C10orf143: variants seen among roughly 807,000 people sequenced by gnomAD.
C10orf143 encodes chromosome 10 open reading frame 143, also known as uncharacterized protein C10orf143.
In C10orf143 at chr10:130,101,865, C is replaced by CAAAAAAAAAAAAAAAAA. The variant is rs1267433489; in HGVS notation, c.69+8822_69+8838dup. Among the ~76,000 whole-genome samples, 4 of 47,728 alleles carry CAAAAAAAAAAAAAAAAA rather than the reference C, an allele frequency of 8.4e-5. 1 individual carries two copies. The highest frequency in any genetic ancestry group is 4.0e-4 in the African/African-American group (3 of 7,568). The allele number at this position is 47,728 out of a possible 152,430, so 31.3% of individuals were successfully genotyped here. On this transcript the variant is annotated intron_variant, in intron 1 of 3. Coordinates refer to ENST00000637128, the MANE Select transcript of C10orf143 (RefSeq NM_001355042.2). Reference sequence around the variant, plus strand: ...ACTCTGTCTCAAAAAAAAAAAAAACCAAAAAAAAAAAAAAAAAAAACTTTT... The same window carrying CAAAAAAAAAAAAAAAAA: ...ACTCTGTCTCAAAAAAAAAAAAAACCAAAAAAAAAAAAAAAAAAAAAAAAAAAAAAAAAAAAACTTTT...
At chr10:130,067,225 C>T (rs1860951629) in intron 3 of C10orf143, 1 of 152,202 alleles carries the variant, frequency 6.6e-6, no homozygotes, top group African/African-American at 2.4e-5. Context: ...AAAACGTCCC[C>T]CTTTCCTTTT....
chr10:130,088,681 G>T (rs1386348298), intron 1 of C10orf143, among the ~76,000 whole-genome samples: 1 of 152,216 alleles, frequency 6.6e-6, no homozygotes, highest in African/African-American at 2.4e-5. Flanking sequence ...GGATGGAGCA[G>T]CTGATACGGA....
chr10:130,107,636 G>C (rs770197171), intron 1 of C10orf143: 26 of 1,333,108 alleles, frequency 2.0e-5, no homozygotes, highest in Admixed American at 8.5e-5. Context: ...TGAAACGAGA[G>C]CTTTTCTCTC....
intron 3 of C10orf143, among the ~76,000 whole-genome samples, chr10:130,055,952 T>TAAAAAAAA (rs369284797): frequency 5.1e-3 from 337 of 65,812 alleles, no homozygotes; most frequent in South Asian, 8.0e-3. Context: ...TCTCCAAAAG[T>TAAAAAAAA]AAAAAAAAAA....
At chr10:130,057,495 G>T (rs1375260675) in intron 3 of C10orf143, among the ~76,000 whole-genome samples, 1 of 152,154 alleles carries the variant, frequency 6.6e-6, no homozygotes, top group Admixed American at 6.5e-5. Context: ...AAATACTCTT[G>T]ACATATTGGT....
At chr10:130,094,122 C>A (rs1371722789) in intron 1 of C10orf143, among the ~76,000 whole-genome samples, 1 of 151,934 alleles carries the variant, frequency 6.6e-6, no homozygotes, top group African/African-American at 2.4e-5. Flanking sequence ...ACTCAAAAAT[C>A]TAGAAGAAAT....
chr10:130,098,725 A>G (rs1861500167), intron 1 of C10orf143, among the ~76,000 whole-genome samples: 1 of 152,154 alleles, frequency 6.6e-6, no homozygotes, highest in Non-Finnish European at 1.5e-5. Flanking sequence ...ACCACAGAAA[A>G]TGGCCTCCTT....
At chr10:130,088,335 G>A (rs1452775666) in intron 1 of C10orf143, among the ~76,000 whole-genome samples, 1 of 152,104 alleles carries the variant, frequency 6.6e-6, no homozygotes, top group African/African-American at 2.4e-5. Context: ...AGTGAGCCAG[G>A]ATCGCGCCAT....
At chr10:130,107,108 C>A in intron 1 of C10orf143, 1 of 1,599,994 alleles carries the variant, frequency 6.3e-7, no homozygotes, top group Non-Finnish European at 8.6e-7. Flanking sequence ...TATTAAAAAT[C>A]TTCGGACTGA....
intron 1 of C10orf143, among the ~76,000 whole-genome samples, chr10:130,096,831 C>T (rs1473123347): frequency 1.6e-5 from 2 of 125,904 alleles, no homozygotes; most frequent in Non-Finnish European, 1.7e-5. Flanking sequence ...GCACATGTAT[C>T]CCAAAACTTA....
rs183131648 is a variant in C10orf143 at position 130,045,268 on chromosome 10, C to T, written c.298-9298G>A. On this transcript the variant is annotated intron_variant and NMD_transcript_variant, in intron 3 of 5. Transcript: ENST00000643056. ...GCAGGCACCTCGCCAGGCATTGCGC[C>T]CTCTGCCTGCAGGTCGGCGGGGCCT... 3.9e-4 allele frequency among the ~76,000 whole-genome samples: 59 copies of T among 152,366 alleles called. 1 individual carries two copies. Among genetic ancestry groups the T allele is most frequent in the Admixed American group, 3.4e-3 (52 of 15,312 alleles).
In C10orf143 at chr10:130,064,266, CA is replaced by C; in HGVS notation, c.*87del. 2.5e-6 allele frequency: 1 copy of C among 397,700 alleles called. No homozygotes were observed. Among genetic ancestry groups the C allele is most frequent in the East Asian group, 3.6e-5 (1 of 28,038 alleles). 24.6% of individuals were successfully genotyped at this position (397,700 alleles called of 1,614,324 possible). ...GCTGCTATTTGAACAGGTAAGTCCC[CA>C]AACCCATCTGTAGGAGATTCACATT... is the stretch of plus-strand genomic sequence containing the variant. On this transcript the variant is annotated 3_prime_UTR_variant, in exon 4 of 4. Transcript: ENST00000637128.
At chr10:130,100,172 T>G (rs909057132) in intron 1 of C10orf143, among the ~76,000 whole-genome samples, 3 of 152,018 alleles carry the variant, frequency 2.0e-5, no homozygotes, top group Non-Finnish European at 4.4e-5. Flanking sequence ...AACTGTATTA[T>G]CCAACTTCCT....
chr10:130,062,491 C>A (rs1158937227), downstream of C10orf143, among the ~76,000 whole-genome samples: 1 of 152,196 alleles, frequency 6.6e-6, no homozygotes, highest in Non-Finnish European at 1.5e-5. Context: ...CTTCCTCTTT[C>A]TCCCGTGCTG....
chr10:130,042,964 C>T (rs778483362), intron 3 of C10orf143, among the ~76,000 whole-genome samples: 1 of 152,176 alleles, frequency 6.6e-6, no homozygotes, highest in East Asian at 1.9e-4. Context: ...GGTGGAATTA[C>T]GGATTACCTT....
At chr10:130,089,701 T>G (rs1177274941) in intron 1 of C10orf143, among the ~76,000 whole-genome samples, 1 of 152,230 alleles carries the variant, frequency 6.6e-6, no homozygotes, top group East Asian at 1.9e-4. Flanking sequence ...GGCATAAGGA[T>G]GAACATACAG....
At chr10:130,084,875 A>G (rs1324554570) in intron 1 of C10orf143, among the ~76,000 whole-genome samples, 1 of 152,230 alleles carries the variant, frequency 6.6e-6, no homozygotes, top group Non-Finnish European at 1.5e-5. Context: ...AAACTTAGAA[A>G]GTTCTTGTAA....
At chr10:130,077,582 A>T (rs111980213) in intron 3 of C10orf143, among the ~76,000 whole-genome samples, 4 of 152,262 alleles carry the variant, frequency 2.6e-5, no homozygotes, top group African/African-American at 7.2e-5. Context: ...CCCACGTGTA[A>T]GCAGGCATTT....
At chr10:130,070,929 G>C (rs1372652824) in intron 3 of C10orf143, among the ~76,000 whole-genome samples, 1 of 151,664 alleles carries the variant, frequency 6.6e-6, no homozygotes, top group Non-Finnish European at 1.5e-5. Context: ...GTTTTGTTTT[G>C]TTTTGAGACA....
Sources: gnomAD v4.1 joint callset for allele counts (sites outside exome capture counted in the v4.1 genomes callset) on GRCh38, gnomAD v4.1.1 for gene constraint, MANE v1.5 for transcripts, NCBI Gene and HGNC (gene_info 2026-07-23, HGNC 2026-07-21) for gene names.